The following STIM1 variants were observed in gnomAD, a reference collection of about 807,000 sequenced individuals.
STIM1 encodes the protein stromal interaction molecule 1.
STIM1 carries 25 observed loss-of-function variants against 74.7 expected under a neutral mutation model. That is an observed-to-expected ratio of 0.33 (90% CI 0.24 to 0.47). STIM1 has a LOEUF of 0.47. Ranked by LOEUF, STIM1 falls within the 20% of genes least tolerant of loss-of-function variation. The pLI is 1.00. For missense variants in STIM1, 728 were observed against 920.8 expected (o/e 0.79, Z 2.71); for synonymous variants, 328 against 348.8 (o/e 0.94, Z 0.66).
chr11:4,022,991 A>ACCTTTGC (rs1460503809), intron 2 of STIM1, among the ~76,000 whole-genome samples: 1 of 152,202 alleles, frequency 6.6e-6, no homozygotes, highest in Non-Finnish European at 1.5e-5. Flanking sequence ...AGGGAAATCC[A>ACCTTTGC]CCTTTAACGG....
chr11:3,866,710 G>A (rs2090874027), intron 1 of STIM1, among the ~76,000 whole-genome samples: 2 of 152,042 alleles, frequency 1.3e-5, no homozygotes, highest in African/African-American at 4.8e-5. Context: ...CAGCAAGCCA[G>A]TACCTAAGAG....
intron 1 of STIM1, among the ~76,000 whole-genome samples, chr11:3,877,133 G>A (rs545228574): frequency 6.6e-6 from 1 of 152,236 alleles, no homozygotes; most frequent in East Asian, 1.9e-4. Context: ...TCCCCTTGAT[G>A]GTTTGCAAAG....
chr11:3,907,838 A>G (rs1181003841), intron 1 of STIM1, among the ~76,000 whole-genome samples: 5 of 152,192 alleles, frequency 3.3e-5, no homozygotes, highest in African/African-American at 1.2e-4. Flanking sequence ...AGAGACAGAC[A>G]TACTCTTGCC....
At position 3,916,282 on chromosome 11, in the gene STIM1, G is replaced by A. The variant is rs868528863; in HGVS notation, c.140-51270G>A. 7.4e-5 allele frequency among the ~76,000 whole-genome samples: 11 copies of A among 149,326 alleles called. No individual in the cohort carries two copies. The South Asian group carries it at 1.9e-3, about 26-fold the overall frequency. Reference sequence around the variant, plus strand: ...CCTTGAATGTGTGCCAATCCAGTCAGTAATGTTTTTTTTTTTTTAATTGAG... The same window carrying A: ...CCTTGAATGTGTGCCAATCCAGTCAATAATGTTTTTTTTTTTTTAATTGAG... On this transcript the variant is annotated intron_variant, in intron 1 of 12. Coordinates refer to ENST00000526596, the MANE Select transcript of STIM1 (RefSeq NM_001382567.1).
intron 4 of STIM1, among the ~76,000 whole-genome samples, chr11:4,057,884 A>T (rs2094303231): frequency 6.6e-6 from 1 of 152,038 alleles, no homozygotes; most frequent in Non-Finnish European, 1.5e-5. Context: ...AAAAAAAAAA[A>T]AAGAAAGTGA....
At chr11:4,082,858 G>C in intron 8 of STIM1, 24 bp from the exon 9 acceptor site, 2 of 1,607,144 alleles carry the variant, frequency 1.2e-6, no homozygotes, top group Non-Finnish European at 1.7e-6. Context: ...TGCTCTTTTT[G>C]AGCTGGGGGC....
chr11:3,948,144 A>C (rs1389013220), intron 1 of STIM1, among the ~76,000 whole-genome samples: 2 of 152,180 alleles, frequency 1.3e-5, no homozygotes, highest in Non-Finnish European at 2.9e-5. Context: ...TGGGAGACTT[A>C]TAGGGCGCGG....
intron 3 of STIM1, among the ~76,000 whole-genome samples, chr11:4,040,929 G>T (rs1287446161): frequency 6.6e-6 from 1 of 152,176 alleles, no homozygotes; most frequent in South Asian, 2.1e-4. Context: ...TGCAATGATG[G>T]TTCAGGGTTT....
chr11:4,078,491 T>G (rs1207558693), intron 7 of STIM1, among the ~76,000 whole-genome samples: 1 of 152,176 alleles, frequency 6.6e-6, no homozygotes, highest in Non-Finnish European at 1.5e-5. Context: ...ACAAATCATC[T>G]TAGAAAGGCT....
chr11:3,986,439 G>A (rs1241543228), intron 2 of STIM1, among the ~76,000 whole-genome samples: 4 of 152,114 alleles, frequency 2.6e-5, no homozygotes, highest in Non-Finnish European at 5.9e-5. Flanking sequence ...GGGAGGGAGA[G>A]GTTGGGAATA....
At chr11:3,866,859 A>G (rs528063994) in intron 1 of STIM1, among the ~76,000 whole-genome samples, 5 of 152,214 alleles carry the variant, frequency 3.3e-5, no homozygotes, top group Non-Finnish European at 5.9e-5. Flanking sequence ...AAAGTAAAAA[A>G]GAAATTAAAA....
At chr11:3,979,391 C>T (rs1386367325) in intron 2 of STIM1, among the ~76,000 whole-genome samples, 1 of 152,156 alleles carries the variant, frequency 6.6e-6, no homozygotes, top group Non-Finnish European at 1.5e-5. Flanking sequence ...CTTCCTGTAC[C>T]TACCACTCCA....
chr11:3,941,673 T>TATATAGAGAGAGAGAGAGAGAGAG (rs141623520), intron 1 of STIM1, among the ~76,000 whole-genome samples: 1 of 90,728 alleles, frequency 1.1e-5, no homozygotes, highest in African/African-American at 3.7e-5. Context: ...TATATATATA[T>TATATAGAGAGAGAGAGAGAGAGAG]AGAGAGAGAG....
At chr11:4,066,682 A>C (rs998524744) in intron 5 of STIM1, among the ~76,000 whole-genome samples, 3 of 152,136 alleles carry the variant, frequency 2.0e-5, no homozygotes, top group African/African-American at 7.2e-5. Flanking sequence ...TCCATCTCTA[A>C]AAAAGAAAAA....
intron 1 of STIM1, among the ~76,000 whole-genome samples, chr11:3,880,603 G>C (rs1235215796): frequency 2.6e-5 from 4 of 152,182 alleles, no homozygotes; most frequent in Non-Finnish European, 4.4e-5. Context: ...TCTGAAACCA[G>C]ATATTGCTCC....
At chr11:3,867,867 GGCAA>G (rs111829005) in intron 1 of STIM1, among the ~76,000 whole-genome samples, 28,829 of 151,234 alleles carry the variant, frequency 0.19, 3,102 homozygotes, top group East Asian at 0.29. Context: ...CAGGCAGGCA[GGCAA>G]GCAGGCAGGC....
intron 1 of STIM1, among the ~76,000 whole-genome samples, chr11:3,877,045 A>G (rs7116483): frequency 0.94 from 143,412 of 152,192 alleles, 67,574 homozygotes; most frequent in East Asian, 0.96. Flanking sequence ...TTATTGGGAG[A>G]GTTGTTTAAA....
chr11:3,861,859 G>T (rs1024566337), intron 1 of STIM1, among the ~76,000 whole-genome samples: 1 of 152,122 alleles, frequency 6.6e-6, no homozygotes, highest in Non-Finnish European at 1.5e-5. Flanking sequence ...TCTTGTGGAG[G>T]GGAGTAGTTT....
At chr11:3,939,985 CT>C (rs951864988) in intron 1 of STIM1, among the ~76,000 whole-genome samples, 2 of 152,132 alleles carry the variant, frequency 1.3e-5, no homozygotes, top group African/African-American at 4.8e-5. Flanking sequence ...CACTGTAAAT[CT>C]TTTTTTGTTA....
Sources: allele counts gnomAD v4.1 joint callset (sites outside exome capture counted in the v4.1 genomes callset), GRCh38; gene constraint gnomAD v4.1.1; transcripts MANE v1.5; gene names NCBI Gene and HGNC (gene_info 2026-07-23, HGNC 2026-07-21).